The following DPY19L3 variants were observed in gnomAD, a reference collection of about 807,000 sequenced individuals.
The protein encoded by DPY19L3 is protein C-mannosyl-transferase DPY19L3.
DPY19L3 carries 51 observed loss-of-function variants against 92.3 expected under a neutral mutation model. The ratio of observed to expected loss-of-function variants is 0.55; its 90% CI spans 0.44 to 0.70. The LOEUF (loss-of-function observed/expected upper bound fraction) is 0.70, where lower values mean the gene tolerates loss of function less well. Ranked by LOEUF, DPY19L3 falls within the 30% of genes least tolerant of loss-of-function variation. DPY19L3 has a pLI of 0.00. For missense variants in DPY19L3, 706 were observed against 855.9 expected, an observed-to-expected ratio of 0.82 and a Z score of 2.18; for synonymous variants, 309 against 315.2, an observed-to-expected ratio of 0.98 and a Z score of 0.21.
In DPY19L3 at chr19:32,432,773, A is replaced by T. The variant is rs746543921; in HGVS notation, c.295A>T (p.Lys99Ter). The T allele has an allele frequency of 1.2e-6, 2 of 1,613,926 alleles. No homozygotes were observed. Among genetic ancestry groups the T allele is most frequent in the Admixed American group, 3.3e-5 (2 of 59,988 alleles). ...GTGTGGCCTGTATTACTCCTACTAC[A>T]AGCAGATGCTGCAGGCTCCAACCCT... ...TECGLYYSYY[K>*]QMLQAPTLVQ... The change falls in exon 4 of 19, where the codon AAG becomes TAG. Residue 99 changes from lysine to a stop codon, truncating the protein, a stop_gained. Transcript: ENST00000392250. LOFTEE classifies it high-confidence loss of function.
chr19:32,470,418 TA>T, intron 16 of DPY19L3, among the ~76,000 whole-genome samples: 1 of 152,214 alleles, frequency 6.6e-6, no homozygotes, highest in Non-Finnish European at 1.5e-5. Flanking sequence ...TGCTTTCTGG[TA>T]GCATGCTGAA....
chr19:32,458,414 T>C lies in DPY19L3; in HGVS notation c.1227T>C (p.Phe409=). The change falls in exon 12 of 19, where the codon TTT becomes TTC. Residue 409 remains phenylalanine (F), a synonymous_variant. Transcript: ENST00000392250. ...TTGGCCTCCTGCCTTTTAATACATT[T>C]GGAAGGCTTTCAGATACTCTGCTTT... is the stretch of plus-strand genomic sequence containing the variant. ...EAFGLLPFNT[F]GRLSDTLLFY... The C allele has an allele frequency of 1.2e-6, 2 of 1,613,942 alleles. No individual in the cohort carries two copies. The highest frequency in any genetic ancestry group is 1.1e-5 in the South Asian group (1 of 91,074).
chr19:32,459,712 G>T (rs187583452), intron 12 of DPY19L3, among the ~76,000 whole-genome samples: 41 of 152,216 alleles, frequency 2.7e-4, no homozygotes, highest in Non-Finnish European at 5.7e-4. Flanking sequence ...GCCATGCTCT[G>T]TGTGAATCTA....
intron 8 of DPY19L3, among the ~76,000 whole-genome samples, chr19:32,449,059 T>C (rs1969611109): frequency 6.6e-6 from 1 of 152,110 alleles, no homozygotes; most frequent in Non-Finnish European, 1.5e-5. Flanking sequence ...AAAGATGTTT[T>C]TGGAAAAAAA....
At chr19:32,409,486 A>G (rs1299974761) in intron 2 of DPY19L3, among the ~76,000 whole-genome samples, 2 of 152,210 alleles carry the variant, frequency 1.3e-5, no homozygotes, top group Non-Finnish European at 2.9e-5. Flanking sequence ...CCTTGTGGCC[A>G]TATGTTTGTT....
At chr19:32,473,383 C>T (rs1176085889) in intron 16 of DPY19L3, among the ~76,000 whole-genome samples, 3 of 152,174 alleles carry the variant, frequency 2.0e-5, no homozygotes, top group Non-Finnish European at 4.4e-5. Context: ...AAATGTCATT[C>T]AGTGGTTAAA....
At chr19:32,474,740 AC>A (rs968486592) in intron 16 of DPY19L3, among the ~76,000 whole-genome samples, 2 of 151,968 alleles carry the variant, frequency 1.3e-5, no homozygotes, top group African/African-American at 2.4e-5. Context: ...ACAGGCACCC[AC>A]CACCACGCCT....
At position 32,482,765 on chromosome 19, in the gene DPY19L3, A is replaced by G. The variant is rs781277518; in HGVS notation, c.*525A>G. 3.0e-4 allele frequency: 46 copies of G among 153,272 alleles called. No homozygotes were observed. Among genetic ancestry groups the G allele is most frequent in the Non-Finnish European group, 4.8e-4 (33 of 68,702 alleles). 9.5% of individuals were successfully genotyped at this position (153,272 alleles called of 1,614,324 possible). On this transcript the variant is annotated 3_prime_UTR_variant, in exon 19 of 19. Coordinates refer to ENST00000392250, the MANE Select transcript of DPY19L3 (RefSeq NM_001172774.2). The stretch of plus-strand genomic sequence containing the variant: ...ATTTTCCAGTTGTCATGCTGTCAAC[A>G]TTAACAAAAAAAATCATGTTAAGGC...
chr19:32,450,511 A>T (rs1455481665), intron 8 of DPY19L3, among the ~76,000 whole-genome samples: 1 of 152,236 alleles, frequency 6.6e-6, no homozygotes, highest in Non-Finnish European at 1.5e-5. Context: ...TAAACAGTGT[A>T]GTCCGGCTGT....
At chr19:32,460,932 C>G (rs1490718726) in intron 12 of DPY19L3, among the ~76,000 whole-genome samples, 1 of 152,132 alleles carries the variant, frequency 6.6e-6, no homozygotes, top group East Asian at 1.9e-4. Context: ...GTGGTGCAAT[C>G]TCGGCTCACT....
Position 32,436,729 on chromosome 19 carries a change from C to T in DPY19L3, c.450+162C>T, listed in dbSNP as rs16967110. Among the ~76,000 whole-genome samples, 1,335 of 152,226 alleles carry T rather than the reference C, an allele frequency of 8.8e-3. 10 individuals carry two copies. Among genetic ancestry groups the T allele is most frequent in the Middle Eastern group, 0.031 (9 of 294 alleles). On this transcript the variant is annotated intron_variant, in intron 5 of 18. Transcript: ENST00000392250. ...TGTATATTATGAACTTTATAAGATA[C>T]TGCTTTTTATTTACATAGGATATAA...
chr19:32,440,433 A>T (rs972333216), intron 8 of DPY19L3, among the ~76,000 whole-genome samples: 1 of 152,320 alleles, frequency 6.6e-6, no homozygotes, highest in African/African-American at 2.4e-5. Flanking sequence ...CAAAAATATG[A>T]TTTTATGTAT....
intron 16 of DPY19L3, among the ~76,000 whole-genome samples, chr19:32,469,890 A>C (rs948719342): frequency 3.9e-5 from 6 of 152,254 alleles, no homozygotes; most frequent in Non-Finnish European, 5.9e-5. Context: ...AGAAAGCAGC[A>C]GTGTAATTAT....
intron 1 of DPY19L3, among the ~76,000 whole-genome samples, chr19:32,406,752 T>A (rs1967968309): frequency 6.6e-6 from 1 of 152,216 alleles, no homozygotes; most frequent in Admixed American, 6.5e-5. Context: ...TCTTAGTTCA[T>A]GGGACTGTTG....
At chr19:32,422,673 T>G (rs1012891411) in intron 3 of DPY19L3, among the ~76,000 whole-genome samples, 1 of 139,532 alleles carries the variant, frequency 7.2e-6, no homozygotes, top group African/African-American at 2.7e-5. Context: ...TTTAAAGATG[T>G]AATTCAAGGA....
Position 32,406,078 on chromosome 19 carries a change from C to G in DPY19L3, c.-38+169C>G, listed in dbSNP as rs1332596487. 3.3e-5 allele frequency: 5 copies of G among 151,704 alleles called. No homozygotes were observed. The East Asian group carries it at 7.8e-4, about 24-fold the overall frequency. The allele number at this position is 151,704 out of a possible 1,614,324, so 9.4% of individuals were successfully genotyped here. A position where few individuals can be genotyped will look rare whatever the true frequency, so the allele number is the denominator to read the frequency against. Reference sequence around the variant, plus strand: ...TCGGGGCGTCGGGAGGGGCGGAGCGCGGGAGTGTCTGCCGGGACGCGGGCC... The same window carrying G: ...TCGGGGCGTCGGGAGGGGCGGAGCGGGGGAGTGTCTGCCGGGACGCGGGCC... On this transcript the variant is annotated intron_variant, in intron 1 of 18. Transcript: ENST00000392250.
At chr19:32,446,381 G>A (rs1969499813) in intron 8 of DPY19L3, among the ~76,000 whole-genome samples, 2 of 152,048 alleles carry the variant, frequency 1.3e-5, no homozygotes, top group Non-Finnish European at 2.9e-5. Context: ...GACTAAAATA[G>A]CAATAATTAC....
At chr19:32,420,049 G>A (rs1003974546) in intron 3 of DPY19L3, among the ~76,000 whole-genome samples, 1 of 151,730 alleles carries the variant, frequency 6.6e-6, no homozygotes, top group African/African-American at 2.4e-5. Context: ...TAGTGGAGAC[G>A]GGGTTTCACC....
At chr19:32,449,309 G>A (rs567969110) in intron 8 of DPY19L3, among the ~76,000 whole-genome samples, 3 of 152,178 alleles carry the variant, frequency 2.0e-5, no homozygotes, top group Non-Finnish European at 4.4e-5. Flanking sequence ...CACGTTCTTG[G>A]ATTGGAATAC....
Sources: allele counts gnomAD v4.1 joint callset (sites outside exome capture counted in the v4.1 genomes callset), GRCh38; gene constraint gnomAD v4.1.1; transcripts MANE v1.5; gene names NCBI Gene and HGNC (gene_info 2026-07-23, HGNC 2026-07-21).